Variants in CEP63 observed in about 807,000 individuals in gnomAD.
CEP63 encodes centrosomal protein 63.
CEP63 carries 84 observed loss-of-function variants against 89.1 expected under a neutral mutation model. The observed-to-expected ratio is 0.94, with a 90% confidence interval of 0.79 to 1.13. The LOEUF (loss-of-function observed/expected upper bound fraction) is 1.13. CEP63 is among the 50% of genes most tolerant of loss of function. The pLI, the probability that CEP63 is intolerant of heterozygous loss-of-function variation, is 0.00. For synonymous variants in CEP63, 267 were observed against 272.5 expected (o/e 0.98, Z 0.20); for missense variants, 838 against 813.3 (o/e 1.03, Z -0.37).
the CEP63 span, among the ~76,000 whole-genome samples, chr3:134,720,458 T>G: frequency 6.6e-6 from 1 of 152,314 alleles, no homozygotes; most frequent in East Asian, 1.9e-4. Flanking sequence ...CAAAAGGTTT[T>G]AATTTTGACA....
At chr3:134,774,146 G>A in the CEP63 span, among the ~76,000 whole-genome samples, 2 of 152,144 alleles carry the variant, frequency 1.3e-5, no homozygotes, top group Non-Finnish European at 2.9e-5. Context: ...ATGCTCTGGG[G>A]CATTATTTCT....
chr3:134,680,352 G>A, the CEP63 span, among the ~76,000 whole-genome samples: 1 of 152,166 alleles, frequency 6.6e-6, no homozygotes, highest in Admixed American at 6.5e-5. Flanking sequence ...CCACTGTTAA[G>A]TTCACCAAAA....
intron 10 of CEP63, among the ~76,000 whole-genome samples, chr3:134,580,062 G>T (rs1958308005): frequency 6.6e-6 from 1 of 152,134 alleles, no homozygotes; most frequent in African/African-American, 2.4e-5. Flanking sequence ...GGGCATGATG[G>T]TGGGTGCCTG....
the CEP63 span, among the ~76,000 whole-genome samples, chr3:134,647,273 A>C: frequency 0.013 from 2,051 of 152,304 alleles, 27 homozygotes; most frequent in Middle Eastern, 0.058. Context: ...AACACTTCCC[A>C]CAGTCACAGT....
intron 14 of CEP63, 60 bp from the exon 15 acceptor site, chr3:134,561,317 G>C: frequency 7.0e-7 from 1 of 1,438,186 alleles, no homozygotes; most frequent in Non-Finnish European, 9.8e-7. Context: ...CATGAACAGT[G>C]TATCTTAGAA....
At chr3:134,590,356 C>T (rs1249376564), downstream of CEP63, among the ~76,000 whole-genome samples, 1 of 152,098 alleles carries the variant, frequency 6.6e-6, no homozygotes, top group African/African-American at 2.4e-5. Context: ...TAATTGGATA[C>T]TAGGTCAATG....
At chr3:134,702,772 G>A in the CEP63 span, among the ~76,000 whole-genome samples, 104 of 152,126 alleles carry the variant, frequency 6.8e-4, no homozygotes, top group African/African-American at 2.1e-3. Flanking sequence ...AAAAGACACC[G>A]TCTCACACCA....
At chr3:134,607,806 T>C in the CEP63 span, 1 of 987,772 alleles carries the variant, frequency 1.0e-6, no homozygotes, top group Non-Finnish European at 1.2e-6. Flanking sequence ...TATCCTATAC[T>C]GCCCCAGGGG....
chr3:134,610,171 A>G, the CEP63 span: 7 of 1,599,976 alleles, frequency 4.4e-6, no homozygotes, highest in Non-Finnish European at 6.0e-6. Flanking sequence ...CCAGACGCCC[A>G]GCAGAACTGA....
chr3:134,486,077 G>T lies in CEP63; in HGVS notation c.-151G>T. 1.0e-6 allele frequency: 1 copy of T among 985,562 alleles called. No individual in the cohort carries two copies. The highest frequency in any genetic ancestry group is 1.2e-6 in the Non-Finnish European group (1 of 830,034). 61.1% of individuals were successfully genotyped at this position (985,562 alleles called of 1,614,324 possible). On this transcript the variant is annotated 5_prime_UTR_variant, in exon 1 of 15. Coordinates refer to ENST00000675561, the MANE Select transcript of CEP63 (RefSeq NM_001353108.3). ...GGTGAGTTCATTTGCTCGCGTGCAG[G>T]GGAAGTCTGGAGAAGGCATTGTTTC... is the stretch of plus-strand genomic sequence containing the variant.
chr3:134,565,321 C>T, downstream of CEP63, among the ~76,000 whole-genome samples: 1 of 152,204 alleles, frequency 6.6e-6, no homozygotes. Context: ...CTACAACACT[C>T]TGTTTCTGTG....
chr3:134,591,948 C>T (rs962120393), downstream of CEP63, among the ~76,000 whole-genome samples: 2 of 152,108 alleles, frequency 1.3e-5, no homozygotes, highest in African/African-American at 2.4e-5. Context: ...TAGCTATCTA[C>T]GGCTGTGTAA....
chr3:134,776,511 T>A, the CEP63 span, among the ~76,000 whole-genome samples: 1 of 152,216 alleles, frequency 6.6e-6, no homozygotes, highest in Admixed American at 6.5e-5. Context: ...ATGGGGCTAA[T>A]GGCTGCTGCA....
intron 10 of CEP63, among the ~76,000 whole-genome samples, chr3:134,586,310 T>C (rs1002892810): frequency 1.3e-5 from 2 of 152,344 alleles, no homozygotes; most frequent in African/African-American, 4.8e-5. Flanking sequence ...CAATTTGGCA[T>C]GTTTTTGCAG....
At chr3:134,640,808 C>A in the CEP63 span, among the ~76,000 whole-genome samples, 2 of 152,212 alleles carry the variant, frequency 1.3e-5, no homozygotes, top group Non-Finnish European at 1.5e-5. Flanking sequence ...TACCCCAAAT[C>A]CACACCATGG....
the CEP63 span, among the ~76,000 whole-genome samples, chr3:134,707,149 A>G: frequency 5.3e-5 from 8 of 152,190 alleles, no homozygotes; most frequent in African/African-American, 1.9e-4. Flanking sequence ...TTGAATGCTC[A>G]CAGCATACCA....
chr3:134,661,962 C>T, the CEP63 span, among the ~76,000 whole-genome samples: 7 of 152,188 alleles, frequency 4.6e-5, no homozygotes, highest in Non-Finnish European at 1.5e-5. Flanking sequence ...TTCTTTGATC[C>T]TTCCGCCATG....
At chr3:134,619,232 C>T in the CEP63 span, 21 of 1,613,942 alleles carry the variant, frequency 1.3e-5, no homozygotes, top group East Asian at 2.7e-4. Context: ...GAAGGCTTGG[C>T]GGTCCTTCTC....
At chr3:134,551,887 A>G (rs1277521524) in intron 11 of CEP63, 39 bp from the exon 12 acceptor site, 8 of 1,405,492 alleles carry the variant, frequency 5.7e-6, no homozygotes, top group African/African-American at 1.4e-5. Context: ...CATGTGATTT[A>G]CATGTTATAT....
Sources: gnomAD v4.1 joint callset for allele counts (sites outside exome capture counted in the v4.1 genomes callset) on GRCh38, gnomAD v4.1.1 for gene constraint, MANE v1.5 for transcripts, NCBI Gene and HGNC (gene_info 2026-07-23, HGNC 2026-07-21) for gene names.